The following KLF12 variants were observed in gnomAD, a reference collection of about 807,000 sequenced individuals.
KLF12 encodes the protein Krueppel-like factor 12.
In KLF12, 9 loss-of-function variants were observed where a neutral mutation model predicts 37.8. The ratio of observed to expected loss-of-function variants is 0.24; its 90% CI spans 0.14 to 0.42. The LOEUF (loss-of-function observed/expected upper bound fraction) is 0.42, where lower values mean the gene tolerates loss of function less well. Ranked by LOEUF, KLF12 falls within the 10% of genes least tolerant of loss-of-function variation. KLF12 has a pLI of 1.00. For synonymous variants in KLF12, 208 were observed against 202.1 expected (o/e 1.03, Z -0.25); for missense variants, 411 against 516.0 (o/e 0.80, Z 1.97).
chr13:74,219,678 T>C, the KLF12 span, among the ~76,000 whole-genome samples: 2 of 152,244 alleles, frequency 1.3e-5, no homozygotes, highest in Admixed American at 6.5e-5. Context: ...TTTCTAAAAA[T>C]GTCTTTAGCT....
At chr13:74,003,260 G>A (rs939977572) in intron 1 of KLF12, among the ~76,000 whole-genome samples, 2 of 152,168 alleles carry the variant, frequency 1.3e-5, no homozygotes, top group African/African-American at 4.8e-5. Context: ...GAAAAATGGG[G>A]AAGACAAGAC....
At chr13:74,115,765 T>C (rs1345602579) in intron 1 of KLF12, among the ~76,000 whole-genome samples, 2 of 151,880 alleles carry the variant, frequency 1.3e-5, no homozygotes, top group East Asian at 3.9e-4. Flanking sequence ...CTGGCACTAG[T>C]TGGTATTCCT....
the KLF12 span, among the ~76,000 whole-genome samples, chr13:74,212,764 C>G: frequency 6.6e-6 from 1 of 152,126 alleles, no homozygotes; most frequent in East Asian, 1.9e-4. Flanking sequence ...AAAGAAATAT[C>G]TCTTCAATTT....
At chr13:73,899,870 T>C (rs568311628) in intron 3 of KLF12, among the ~76,000 whole-genome samples, 202 of 152,258 alleles carry the variant, frequency 1.3e-3, no homozygotes, top group Non-Finnish European at 2.4e-3. Context: ...GTTCTCCAGC[T>C]TGCAGACAGC....
chr13:74,149,026 G>C, the KLF12 span, among the ~76,000 whole-genome samples: 1 of 152,056 alleles, frequency 6.6e-6, no homozygotes, highest in African/African-American at 2.4e-5. Flanking sequence ...TGTTGGCCAG[G>C]CTTGTCTTGA....
chr13:74,108,658 T>G (rs1392399705), intron 1 of KLF12, among the ~76,000 whole-genome samples: 2 of 152,178 alleles, frequency 1.3e-5, no homozygotes, highest in African/African-American at 4.8e-5. Flanking sequence ...CACTGCTATA[T>G]GTATGTTACG....
chr13:73,783,498 G>A (rs1295664389), intron 5 of KLF12, among the ~76,000 whole-genome samples: 2 of 152,106 alleles, frequency 1.3e-5, no homozygotes, highest in Non-Finnish European at 2.9e-5. Context: ...CTGACACCAA[G>A]AAATGATAAA....
chr13:74,215,997 A>G, the KLF12 span, among the ~76,000 whole-genome samples: 2 of 152,186 alleles, frequency 1.3e-5, no homozygotes, highest in Admixed American at 1.3e-4. Context: ...ATGGAGTGCA[A>G]CATACATGCT....
intron 3 of KLF12, among the ~76,000 whole-genome samples, chr13:73,857,079 C>A (rs1239969147): frequency 6.6e-6 from 1 of 152,006 alleles, no homozygotes; most frequent in Non-Finnish European, 1.5e-5. Flanking sequence ...AAAGTTAAGG[C>A]AGATTTAGTC....
chr13:74,096,613 G>A (rs1466691864), intron 1 of KLF12, among the ~76,000 whole-genome samples: 4 of 152,132 alleles, frequency 2.6e-5, no homozygotes, highest in Non-Finnish European at 4.4e-5. Context: ...CATAAATCAT[G>A]TTTCTGTTTC....
chr13:73,996,813 C>A (rs1178481248), intron 1 of KLF12, among the ~76,000 whole-genome samples: 1 of 152,158 alleles, frequency 6.6e-6, no homozygotes, highest in Non-Finnish European at 1.5e-5. Flanking sequence ...CAAACTACAA[C>A]CACCACTCCC....
At chr13:73,881,282 T>A (rs1886967693) in intron 3 of KLF12, among the ~76,000 whole-genome samples, 1 of 152,156 alleles carries the variant, frequency 6.6e-6, no homozygotes. Flanking sequence ...TAAAAATATT[T>A]GAAGTAACAT....
At chr13:73,964,602 T>C (rs9573333) in intron 2 of KLF12, among the ~76,000 whole-genome samples, 17,375 of 90,224 alleles carry the variant, frequency 0.19, 1,026 homozygotes, top group East Asian at 0.34. Context: ...ACTCCGTCTC[T>C]ACTTAAAAAA....
the KLF12 span, among the ~76,000 whole-genome samples, chr13:74,186,297 A>T: frequency 6.6e-6 from 1 of 152,098 alleles, no homozygotes; most frequent in Admixed American, 6.5e-5. Context: ...AATGTATTTC[A>T]CTTAAAATTT....
the KLF12 span, among the ~76,000 whole-genome samples, chr13:74,215,055 A>G: frequency 6.6e-6 from 1 of 152,050 alleles, no homozygotes; most frequent in Non-Finnish European, 1.5e-5. Context: ...CATCCTCCCA[A>G]AGTGCTGGGA....
chr13:74,190,103 A>T, the KLF12 span, among the ~76,000 whole-genome samples: 2 of 152,198 alleles, frequency 1.3e-5, no homozygotes, highest in African/African-American at 4.8e-5. Context: ...AGTGTGCAAT[A>T]CTGAAGTACA....
chr13:74,277,000 G>T, the KLF12 span, among the ~76,000 whole-genome samples: 3 of 152,186 alleles, frequency 2.0e-5, no homozygotes, highest in Non-Finnish European at 4.4e-5. Context: ...CAGTGCCCTT[G>T]ATGGGCCTCT....
At chr13:73,769,471 C>T (rs1247953553) in intron 5 of KLF12, among the ~76,000 whole-genome samples, 2 of 152,080 alleles carry the variant, frequency 1.3e-5, no homozygotes, top group Non-Finnish European at 2.9e-5. Flanking sequence ...GAACCTCCTC[C>T]TCTCATTCTT....
chr13:74,201,614 T>A, the KLF12 span, among the ~76,000 whole-genome samples: 7 of 152,260 alleles, frequency 4.6e-5, no homozygotes, highest in South Asian at 1.5e-3. Context: ...AAGTTACTTT[T>A]GAATCCTCAT....
Sources: allele counts gnomAD v4.1 joint callset (sites outside exome capture counted in the v4.1 genomes callset), GRCh38; gene constraint gnomAD v4.1.1; transcripts MANE v1.5; gene names NCBI Gene and HGNC (gene_info 2026-07-23, HGNC 2026-07-21).